Variants in PTPRG observed in about 807,000 individuals in gnomAD.
PTPRG encodes protein tyrosine phosphatase receptor type G.
In PTPRG, 102 loss-of-function variants were observed where a neutral mutation model predicts 165.3. That is an observed-to-expected ratio of 0.62 (90% confidence interval 0.53 to 0.73). The LOEUF (loss-of-function observed/expected upper bound fraction) is 0.73. PTPRG is among the 30% of genes least tolerant of loss of function. The pLI is 0.00. For missense variants in PTPRG, 1,866 were observed against 1,861.4 expected (o/e 1.00, Z -0.05); for synonymous variants, 675 against 669.5 (o/e 1.01, Z -0.13).
chr3:61,738,273 T>C (rs199794138), intron 1 of PTPRG, among the ~76,000 whole-genome samples: 24 of 63,672 alleles, frequency 3.8e-4, no homozygotes, highest in South Asian at 3.4e-3. Flanking sequence ...TATATATATA[T>C]ATATACATAT....
At chr3:61,832,330 A>G (rs1373468747) in intron 2 of PTPRG, among the ~76,000 whole-genome samples, 3 of 152,230 alleles carry the variant, frequency 2.0e-5, no homozygotes, top group South Asian at 2.1e-4. Flanking sequence ...AAACATTATT[A>G]TATGCTCAAA....
At chr3:61,705,423 C>G (rs1379545064) in intron 1 of PTPRG, among the ~76,000 whole-genome samples, 1 of 151,966 alleles carries the variant, frequency 6.6e-6, no homozygotes, top group African/African-American at 2.4e-5. Context: ...GGGTTTCAGG[C>G]TTTGGATTTT....
At position 62,203,573 on chromosome 3, in the gene PTPRG, G is replaced by A. The variant is rs759970992; in HGVS notation, c.1778G>A (p.Arg593Gln). Residue 593 changes from arginine (R) to glutamine (Q), a missense_variant, in exon 12 of 30, where the codon CGG (arginine) becomes CAG (glutamine). Physicochemically the swap from Arg to Gln is conservative, Grantham distance 43. Transcript: ENST00000474889. The surrounding 1 kb of genome is among the most constrained non-coding windows in gnomAD (Gnocchi z 6.4). ...AAAAGCGAGAGTGAGGATGGGGAGCGGGAGCACGAGGAGGATGGAGAGAAG... is the reference window on the plus strand; with the variant it reads ...AAAAGCGAGAGTGAGGATGGGGAGCAGGAGCACGAGGAGGATGGAGAGAAG... ...DEKSESEDGEREHEEDGEKDS... is the reference protein window; with the variant it reads ...DEKSESEDGEQEHEEDGEKDS... The A allele has an allele frequency of 4.6e-5, 72 of 1,552,602 alleles. No homozygotes were observed. The highest frequency in any genetic ancestry group is 3.2e-4 in the South Asian group (27 of 84,176).
rs1345823819 is a variant in PTPRG, at chr3:62,271,583, T to C, written c.3182+28T>C. The C allele has an allele frequency of 5.0e-6, 8 of 1,598,254 alleles. No homozygotes were observed. Among genetic ancestry groups the C allele is most frequent in the South Asian group, 4.5e-5 (4 of 88,442 alleles). On this transcript the variant is annotated intron_variant, in intron 21 of 29. Transcript: ENST00000474889. The surrounding 1 kb of genome is among the most constrained non-coding windows in gnomAD (Gnocchi z 4.1). Reference sequence around the variant, plus strand: ...AGGGTCTAGGATTCAACATGTGAAATAGATGGGGCAGGGGACTTAGGCCTC... The same window carrying C: ...AGGGTCTAGGATTCAACATGTGAAACAGATGGGGCAGGGGACTTAGGCCTC...
intron 5 of PTPRG, among the ~76,000 whole-genome samples, chr3:62,094,085 C>G (rs752781098): frequency 1.4e-4 from 21 of 152,140 alleles, no homozygotes; most frequent in Non-Finnish European, 3.1e-4. Flanking sequence ...ACTTCTATCC[C>G]CAACTGACAA....
At chr3:62,154,340 G>T (rs1382115205) in intron 6 of PTPRG, among the ~76,000 whole-genome samples, 1 of 152,016 alleles carries the variant, frequency 6.6e-6, no homozygotes, top group African/African-American at 2.4e-5. Context: ...CCTTGTACTG[G>T]GTCTACCCAC....
At chr3:61,810,989 A>C (rs1361741855) in intron 2 of PTPRG, among the ~76,000 whole-genome samples, 2 of 152,120 alleles carry the variant, frequency 1.3e-5, no homozygotes, top group Admixed American at 1.3e-4. Context: ...CCAGGAGGGC[A>C]GGTTAGGGTG....
chr3:62,077,458 T>C (rs1701426398), intron 4 of PTPRG, among the ~76,000 whole-genome samples: 1 of 152,178 alleles, frequency 6.6e-6, no homozygotes, highest in Non-Finnish European at 1.5e-5. Context: ...CCCTAATTTT[T>C]TTTACAGGGC....
intron 4 of PTPRG, among the ~76,000 whole-genome samples, chr3:62,049,237 G>A (rs1404667487): frequency 6.6e-6 from 1 of 152,132 alleles, no homozygotes; most frequent in Non-Finnish European, 1.5e-5. Flanking sequence ...AATGCGAGCA[G>A]CATGTTCACT....
chr3:62,137,393 G>T (rs1703749445), intron 6 of PTPRG, among the ~76,000 whole-genome samples: 1 of 152,108 alleles, frequency 6.6e-6, no homozygotes, highest in Admixed American at 6.6e-5. Context: ...TTCTAAGTGA[G>T]AGGCAAGAGG....
At chr3:62,188,795 A>G (rs1699728339) in intron 8 of PTPRG, among the ~76,000 whole-genome samples, 1 of 152,170 alleles carries the variant, frequency 6.6e-6, no homozygotes. Context: ...AGGAAGATAA[A>G]TAAGAACATG....
chr3:61,811,415 G>T (rs187957085), intron 2 of PTPRG, among the ~76,000 whole-genome samples: 2 of 152,190 alleles, frequency 1.3e-5, no homozygotes, highest in Admixed American at 1.3e-4. Flanking sequence ...CTTGCTTTTG[G>T]TCCCACAGTA....
intron 1 of PTPRG, among the ~76,000 whole-genome samples, chr3:61,672,599 A>G (rs1026557139): frequency 1.3e-5 from 2 of 151,338 alleles, no homozygotes; most frequent in South Asian, 2.1e-4. Flanking sequence ...GCCGCCTGCA[A>G]TTGCAGGCAC....
At chr3:61,908,411 C>CAAAAAAAA (rs776421819) in intron 2 of PTPRG, among the ~76,000 whole-genome samples, 13 of 57,548 alleles carry the variant, frequency 2.3e-4, no homozygotes, top group Middle Eastern at 0.01. Context: ...GGCAACAGAG[C>CAAAAAAAA]AAAAAAAAAA....
chr3:62,056,411 T>C (rs1700635797), intron 4 of PTPRG, among the ~76,000 whole-genome samples: 1 of 152,170 alleles, frequency 6.6e-6, no homozygotes, highest in African/African-American at 2.4e-5. Context: ...TCTTAATACC[T>C]TATAAGATTT....
At chr3:61,657,576 C>G (rs1308495920) in intron 1 of PTPRG, among the ~76,000 whole-genome samples, 1 of 152,174 alleles carries the variant, frequency 6.6e-6, no homozygotes, top group Non-Finnish European at 1.5e-5. Flanking sequence ...GAGGTGTTCT[C>G]AACTCTGGCA....
At chr3:61,612,798 T>C (rs189733884) in intron 1 of PTPRG, among the ~76,000 whole-genome samples, 3 of 151,970 alleles carry the variant, frequency 2.0e-5, no homozygotes, top group South Asian at 2.1e-4. Flanking sequence ...TTTGATGATA[T>C]CAGCTTCGGG....
At chr3:62,088,456 C>T (rs748332414) in intron 5 of PTPRG, among the ~76,000 whole-genome samples, 1 of 152,158 alleles carries the variant, frequency 6.6e-6, no homozygotes, top group African/African-American at 2.4e-5. Flanking sequence ...TCCAGTAGTC[C>T]CTGGCTAACC....
intron 2 of PTPRG, among the ~76,000 whole-genome samples, chr3:61,811,073 G>C (rs1275822426): frequency 6.6e-6 from 1 of 152,162 alleles, no homozygotes; most frequent in Non-Finnish European, 1.5e-5. Flanking sequence ...TAGCCCAGCA[G>C]CCCCTTTAGT....
Sources: allele counts gnomAD v4.1 joint callset (sites outside exome capture counted in the v4.1 genomes callset), GRCh38; gene constraint gnomAD v4.1.1; non-coding constraint Gnocchi (gnomAD v3.1); transcripts MANE v1.5; gene names NCBI Gene and HGNC (gene_info 2026-07-23, HGNC 2026-07-21).